The following SYT2 variants were observed in gnomAD, a reference collection of about 807,000 sequenced individuals.
SYT2 encodes synaptotagmin 2.
In SYT2, 15 loss-of-function variants were observed where a neutral mutation model predicts 39.9. The observed-to-expected ratio is 0.38, with a 90% CI of 0.25 to 0.58. The LOEUF is 0.58. SYT2 is among the 20% of genes least tolerant of loss of function. The pLI is 0.70. For synonymous variants in SYT2, 181 were observed against 204.5 expected (o/e 0.89, Z 0.98); for missense variants, 389 against 530.3 (o/e 0.73, Z 2.62).
chr1:202,656,343 C>T (rs982974464), intron 1 of SYT2, among the ~76,000 whole-genome samples: 2 of 152,188 alleles, frequency 1.3e-5, no homozygotes, highest in Non-Finnish European at 2.9e-5. Context: ...CTGAGGGCTT[C>T]GGCTCCCCTA....
intron 1 of SYT2, among the ~76,000 whole-genome samples, chr1:202,645,300 T>C (rs371685922): frequency 4.6e-5 from 7 of 152,218 alleles, no homozygotes; most frequent in Non-Finnish European, 1.5e-5. Context: ...GTGTGCGGGC[T>C]GAAGAGCAGT....
At chr1:202,613,928 C>A (rs1690957994) in intron 1 of SYT2, among the ~76,000 whole-genome samples, 1 of 152,234 alleles carries the variant, frequency 6.6e-6, no homozygotes, top group South Asian at 2.1e-4. Flanking sequence ...ACCTACTTTT[C>A]AGAACTGCCG....
At chr1:202,627,561 C>A in intron 1 of SYT2, 8 of 985,182 alleles carry the variant, frequency 8.1e-6, no homozygotes, top group Non-Finnish European at 9.6e-6. Context: ...GGTAGGCAGG[C>A]CCATGGCTCC....
chr1:202,636,252 C>A (rs772407931), intron 1 of SYT2, among the ~76,000 whole-genome samples: 3 of 152,146 alleles, frequency 2.0e-5, no homozygotes, highest in Non-Finnish European at 2.9e-5. Context: ...TGAGGAGGGC[C>A]AGATTCAGCC....
intron 1 of SYT2, among the ~76,000 whole-genome samples, chr1:202,615,395 G>T (rs1405891346): frequency 6.6e-6 from 1 of 152,098 alleles, no homozygotes; most frequent in Non-Finnish European, 1.5e-5. Context: ...AAGCCTTGGG[G>T]TCATCCTTCC....
chr1:202,703,008 A>G (rs1654158527), intron 1 of SYT2, among the ~76,000 whole-genome samples: 1 of 152,202 alleles, frequency 6.6e-6, no homozygotes, highest in African/African-American at 2.4e-5. Context: ...CCTTTCTACA[A>G]ATAGCATAAA....
At chr1:202,683,632 T>C (rs1001340280) in intron 1 of SYT2, among the ~76,000 whole-genome samples, 3 of 151,830 alleles carry the variant, frequency 2.0e-5, no homozygotes, top group Admixed American at 2.0e-4. Context: ...TCCCAGCTAC[T>C]TGGGAGGCTG....
At chr1:202,624,913 GTGTGGTGTGTGTC>G (rs1358786004) in intron 1 of SYT2, among the ~76,000 whole-genome samples, 19 of 151,830 alleles carry the variant, frequency 1.3e-4, no homozygotes, top group Middle Eastern at 3.4e-3. Flanking sequence ...GTAGTAGGGT[GTGTGGTGTGTGTC>G]TGTGTGGTGT....
At chr1:202,644,643 C>A (rs1692037489) in intron 1 of SYT2, among the ~76,000 whole-genome samples, 1 of 152,036 alleles carries the variant, frequency 6.6e-6, no homozygotes. Flanking sequence ...CACTCAGGAC[C>A]AGGACTCGAG....
rs111945159 is a variant in SYT2 at position 202,628,224 on chromosome 1, C to T, written c.-17-22435G>A. Among the ~76,000 whole-genome samples the T allele has an allele frequency of 1.7e-4, 26 of 152,252 alleles. No homozygotes were observed. Among genetic ancestry groups the T allele is most frequent in the African/African-American group, 6.3e-4 (26 of 41,550 alleles). On this transcript the variant is annotated intron_variant, in intron 1 of 8. Transcript: ENST00000367268. This position sits in a 1 kb window ranked among gnomAD's most constrained non-coding sequence, Gnocchi z 4.2. ...TGAGGAAACTGGGCCTCAGGGGGAG[C>T]GAAACAGGTCACTCGCTCAAGCACC...
At chr1:202,645,000 G>A (rs551481792) in intron 1 of SYT2, among the ~76,000 whole-genome samples, 6 of 152,188 alleles carry the variant, frequency 3.9e-5, no homozygotes, top group East Asian at 3.8e-4. Context: ...AGGGATTTCC[G>A]GGCGGCTCCT....
intron 1 of SYT2, among the ~76,000 whole-genome samples, chr1:202,610,326 C>T (rs937430208): frequency 2.0e-5 from 3 of 152,132 alleles, no homozygotes; most frequent in Admixed American, 6.5e-5. Flanking sequence ...ACTGTGATGC[C>T]TCCAGCTTTG....
chr1:202,639,861 C>A, intron 1 of SYT2: 1 of 982,416 alleles, frequency 1.0e-6, no homozygotes, highest in Non-Finnish European at 1.2e-6. Flanking sequence ...ATGGTGACAA[C>A]TGCAGGACTG....
intron 1 of SYT2, among the ~76,000 whole-genome samples, chr1:202,607,831 G>C (rs920726797): frequency 4.6e-5 from 7 of 152,058 alleles, no homozygotes; most frequent in Non-Finnish European, 7.4e-5. Flanking sequence ...AGGGCCTTCC[G>C]CCATGTCCAT....
intron 1 of SYT2, among the ~76,000 whole-genome samples, chr1:202,696,390 C>A (rs956544150): frequency 6.6e-6 from 1 of 152,190 alleles, no homozygotes. Flanking sequence ...TGGCCATGCA[C>A]GCATCATGTT....
intron 1 of SYT2, among the ~76,000 whole-genome samples, chr1:202,656,976 T>C (rs547944562): frequency 6.6e-6 from 1 of 152,380 alleles, no homozygotes; most frequent in South Asian, 2.1e-4. Flanking sequence ...ATGGCTTCCC[T>C]GGGTGCCTTT....
chr1:202,685,488 T>C (rs1653638900), intron 1 of SYT2, among the ~76,000 whole-genome samples: 1 of 152,152 alleles, frequency 6.6e-6, no homozygotes, highest in South Asian at 2.1e-4. Flanking sequence ...AAATAAAAGG[T>C]CTCAGATCTC....
chr1:202,704,957 C>T (rs1369482918), intron 1 of SYT2, among the ~76,000 whole-genome samples: 1 of 152,238 alleles, frequency 6.6e-6, no homozygotes, highest in Admixed American at 6.5e-5. Flanking sequence ...TCAATTCCTC[C>T]AAGGAATCAC....
chr1:202,635,204 T>C (rs1451351290), intron 1 of SYT2, among the ~76,000 whole-genome samples: 2 of 152,162 alleles, frequency 1.3e-5, no homozygotes, highest in African/African-American at 4.8e-5. Flanking sequence ...TTTTGGACTT[T>C]GTGTTGTCGA....
Sources: gnomAD v4.1 joint callset for allele counts (sites outside exome capture counted in the v4.1 genomes callset) on GRCh38, gnomAD v4.1.1 for gene constraint, Gnocchi (gnomAD v3.1) non-coding constraint, MANE v1.5 for transcripts, NCBI Gene and HGNC (gene_info 2026-07-23, HGNC 2026-07-21) for gene names.